APP: variants seen among roughly 807,000 people sequenced by gnomAD.
APP encodes the protein amyloid beta precursor protein, also known as amyloid-beta precursor protein.
APP carries 31 observed loss-of-function variants against 101.4 expected under a neutral mutation model. That is an observed-to-expected ratio of 0.31 (90% CI 0.23 to 0.41). The LOEUF (loss-of-function observed/expected upper bound fraction) is 0.41, where lower values mean the gene tolerates loss of function less well. Among genes scored for constraint, APP ranks in the 10% least tolerant of loss-of-function variants. The pLI is 1.00. For synonymous variants in APP, 366 were observed against 364.4 expected, an observed-to-expected ratio of 1.00 and a Z score of -0.05; for missense variants, 839 against 1,003.7, an observed-to-expected ratio of 0.84 and a Z score of 2.22.
intron 11 of APP, among the ~76,000 whole-genome samples, chr21:25,960,044 A>G (rs2146511283): frequency 6.6e-6 from 1 of 152,314 alleles, no homozygotes; most frequent in Non-Finnish European, 1.5e-5. Context: ...ACTGGGAGGA[A>G]GAGAGTTTTT....
intron 3 of APP, among the ~76,000 whole-genome samples, chr21:26,056,254 T>C (rs2145976110): frequency 6.6e-6 from 1 of 152,228 alleles, no homozygotes; most frequent in East Asian, 1.9e-4. Flanking sequence ...CCCAGGCTGG[T>C]CTCGAACTCC....
At position 26,150,626 on chromosome 21, in the gene APP, T is replaced by TAGATAGATAGAC. The variant is rs370206066; in HGVS notation, c.57+19937_57+19938insGTCTATCTATCT. Among the ~76,000 whole-genome samples the TAGATAGATAGAC allele has an allele frequency of 4.7e-4, 71 of 149,920 alleles. 1 individual carries two copies. Among genetic ancestry groups the TAGATAGATAGAC allele is most frequent in the African/African-American group, 7.9e-4 (32 of 40,642 alleles). ...ATAGACAGATAGATAGACAGATAGA[T>TAGATAGATAGAC]AGACAGACAGACAGACAGATTGACT... On this transcript the variant is annotated intron_variant, in intron 1 of 17. Coordinates refer to ENST00000346798, the MANE Select transcript of APP (RefSeq NM_000484.4).
intron 3 of APP, among the ~76,000 whole-genome samples, chr21:26,065,016 G>T (rs2046404979): frequency 6.6e-6 from 1 of 152,216 alleles, no homozygotes; most frequent in Admixed American, 6.5e-5. Flanking sequence ...ACCACGCCCA[G>T]CTGGTTTTTG....
chr21:26,150,396 G>T (rs1035277555), intron 1 of APP, among the ~76,000 whole-genome samples: 4 of 152,140 alleles, frequency 2.6e-5, no homozygotes, highest in African/African-American at 9.7e-5. Context: ...TTATAAAAAG[G>T]GGGTAAAGCT....
rs768446605 is a variant in APP, at chr21:25,891,854, T to A, written c.2079A>T (p.Glu693Asp). Residue 693 changes from glutamate to aspartate, a missense_variant, in exon 17 of 18, where the codon GAA becomes GAT. Coordinates refer to ENST00000346798, the MANE Select transcript of APP (RefSeq NM_000484.4). ...VHHQKLVFFAEDVGSNKGAII... is the reference protein window; with the variant it reads ...VHHQKLVFFADDVGSNKGAII... ...TTGCACCTTTGTTTGAACCCACATC[T>A]TCTGCAAAGAACACCTTGAAAACAA... is the stretch of plus-strand genomic sequence containing the variant. 1 of 1,614,088 alleles carries A rather than the reference T, an allele frequency of 6.2e-7. No individual in the cohort carries two copies. The highest frequency in any genetic ancestry group is 1.7e-5 in the Admixed American group (1 of 60,024).
intron 1 of APP, among the ~76,000 whole-genome samples, chr21:26,163,159 T>C (rs2063529710): frequency 1.4e-5 from 2 of 143,936 alleles, no homozygotes; most frequent in South Asian, 4.3e-4. Context: ...GAGAATTGCT[T>C]GAACCCGGGA....
At chr21:25,992,577 T>TA (rs1021169116) in intron 8 of APP, among the ~76,000 whole-genome samples, 22 of 152,162 alleles carry the variant, frequency 1.4e-4, no homozygotes, top group African/African-American at 4.8e-4. Context: ...CCCTTCTTTT[T>TA]AAAAAATGCT....
At chr21:26,114,807 G>T (rs1005510277) in intron 1 of APP, among the ~76,000 whole-genome samples, 5 of 151,850 alleles carry the variant, frequency 3.3e-5, no homozygotes, top group African/African-American at 1.2e-4. Context: ...TGGCATATGT[G>T]TGTATGCTGA....
chr21:25,991,707 C>T (rs1022217924), intron 8 of APP, among the ~76,000 whole-genome samples: 3 of 152,182 alleles, frequency 2.0e-5, no homozygotes, highest in African/African-American at 7.2e-5. Context: ...GTAGTATTAT[C>T]GGAACACAGC....
intron 6 of APP, among the ~76,000 whole-genome samples, chr21:26,019,507 C>T (rs1426035495): frequency 3.3e-5 from 5 of 152,168 alleles, no homozygotes; most frequent in African/African-American, 1.2e-4. Context: ...ACATTTCTTA[C>T]AACACAGATG....
intron 2 of APP, among the ~76,000 whole-genome samples, chr21:26,092,204 C>G (rs1230137522): frequency 6.6e-6 from 1 of 152,036 alleles, no homozygotes; most frequent in Non-Finnish European, 1.5e-5. Flanking sequence ...AATTCTTAAT[C>G]TCAATTCCTG....
chr21:26,146,239 G>A (rs1216133768), intron 1 of APP, among the ~76,000 whole-genome samples: 2 of 152,186 alleles, frequency 1.3e-5, no homozygotes, highest in Non-Finnish European at 2.9e-5. Context: ...GGGAGGCTGA[G>A]GCAGGAGAAT....
intron 5 of APP, among the ~76,000 whole-genome samples, chr21:26,025,467 C>T (rs565761352): frequency 9.2e-5 from 14 of 152,138 alleles, no homozygotes; most frequent in Non-Finnish European, 1.8e-4. Context: ...TGACGATGTC[C>T]AAGTGTACCA....
At chr21:26,128,080 T>C (rs1223876154) in intron 1 of APP, among the ~76,000 whole-genome samples, 2 of 152,194 alleles carry the variant, frequency 1.3e-5, no homozygotes, top group Admixed American at 6.5e-5. Flanking sequence ...GAATGTCTTA[T>C]GCCATTTAAA....
chr21:25,986,679 T>C (rs1350283815), intron 8 of APP, among the ~76,000 whole-genome samples: 1 of 152,134 alleles, frequency 6.6e-6, no homozygotes, highest in African/African-American at 2.4e-5. Flanking sequence ...CAGTCTGGGC[T>C]ACAAGAGCGA....
In APP at chr21:25,964,007, G is replaced by C. The variant is rs1568770432; in HGVS notation, c.1459-8252C>G. On this transcript the variant is annotated intron_variant, in intron 11 of 17. Coordinates refer to ENST00000346798, the MANE Select transcript of APP (RefSeq NM_000484.4). ...TAGATTCTCACACTCTCCCCCTTTG[G>C]TGTTTCTTAAGTTTTAACAATATGG... Among the ~76,000 whole-genome samples, 2 of 152,178 alleles carry C rather than the reference G, an allele frequency of 1.3e-5. 1 individual carries two copies. Among genetic ancestry groups the C allele is most frequent in the Non-Finnish European group, 2.9e-5 (2 of 68,030 alleles).
At chr21:26,049,626 TAAAG>T (rs797021380) in intron 5 of APP, among the ~76,000 whole-genome samples, 2 of 152,136 alleles carry the variant, frequency 1.3e-5, no homozygotes, top group Non-Finnish European at 2.9e-5. Flanking sequence ...CAGAAGCAAC[TAAAG>T]AAAGAAATTA....
intron 16 of APP, among the ~76,000 whole-genome samples, chr21:25,896,337 G>A (rs2038041748): frequency 6.6e-6 from 1 of 152,098 alleles, no homozygotes. Flanking sequence ...ATTTGGAGGT[G>A]TTTCTTTTAG....
chr21:25,887,932 C>G (rs376982500), intron 17 of APP, among the ~76,000 whole-genome samples: 2 of 152,102 alleles, frequency 1.3e-5, no homozygotes, highest in Non-Finnish European at 1.5e-5. Flanking sequence ...TGTGACTGTT[C>G]TAGGCTTGTT....
Sources: gnomAD v4.1 joint callset for allele counts (sites outside exome capture counted in the v4.1 genomes callset) on GRCh38, gnomAD v4.1.1 for gene constraint, MANE v1.5 for transcripts, NCBI Gene and HGNC (gene_info 2026-07-23, HGNC 2026-07-21) for gene names.